CAP2: variants seen among roughly 807,000 people sequenced by gnomAD.
The protein encoded by CAP2 is adenylyl cyclase-associated protein 2.
CAP2 carries 24 observed loss-of-function variants against 57.7 expected under a neutral mutation model. The ratio of observed to expected loss-of-function variants is 0.42; its 90% CI spans 0.30 to 0.58. The LOEUF (loss-of-function observed/expected upper bound fraction) is 0.58. Ranked by LOEUF, CAP2 falls within the 20% of genes least tolerant of loss-of-function variation. The pLI is 0.22. For synonymous variants in CAP2, 194 were observed against 207.2 expected (o/e 0.94, Z 0.55); for missense variants, 501 against 590.3 (o/e 0.85, Z 1.57).
intron 3 of CAP2, among the ~76,000 whole-genome samples, chr6:17,442,841 C>T (rs1760128803): frequency 6.6e-6 from 1 of 152,084 alleles, no homozygotes; most frequent in East Asian, 1.9e-4. Flanking sequence ...CCTCAGCCTC[C>T]CGAGTAGCTG....
intron 7 of CAP2, among the ~76,000 whole-genome samples, chr6:17,519,326 CGT>C (rs1268803584): frequency 6.9e-6 from 1 of 144,346 alleles, no homozygotes. Flanking sequence ...AGAGAGTCTA[CGT>C]GTGTGTGCAA....
At chr6:17,395,791 G>A (rs13203151) in intron 1 of CAP2, among the ~76,000 whole-genome samples, 37,952 of 151,920 alleles carry the variant, frequency 0.25, 4,941 homozygotes, top group South Asian at 0.35. Context: ...TGAACATTAT[G>A]TTCAACTGAA....
intron 2 of CAP2, among the ~76,000 whole-genome samples, chr6:17,425,261 G>T (rs1457378385): frequency 1.3e-5 from 2 of 152,168 alleles, no homozygotes; most frequent in Admixed American, 1.3e-4. Flanking sequence ...CAGGGACTTA[G>T]ATTTTTTTTC....
rs1759594226 is a variant in CAP2 at position 17,426,492 on chromosome 6, C to A, written c.122-98C>A. Reference sequence around the variant, plus strand: ...TCAGGTGATCTGCCTGCCTCGGACTCCCAAAGTGCTAGGATTACAGGTGTG... The same window carrying A: ...TCAGGTGATCTGCCTGCCTCGGACTACCAAAGTGCTAGGATTACAGGTGTG... On this transcript the variant is annotated intron_variant, in intron 2 of 12. Transcript: ENST00000229922. The A allele has an allele frequency of 4.7e-6, 4 of 842,304 alleles. No individual in the cohort carries two copies. In the South Asian group the frequency reaches 5.4e-5, roughly 11 times the overall value. 52.2% of individuals were successfully genotyped at this position (842,304 alleles called of 1,614,324 possible).
Position 17,507,140 on chromosome 6 carries a change from A to G in CAP2, c.301-29A>G, listed in dbSNP as rs781266765. ...GCTATGCGTCTGCTCTGTCTGTAGT[A>G]AAAGCCCCCGATGTTTGACTGCTTA... On this transcript the variant is annotated intron_variant, in intron 4 of 12. Transcript: ENST00000229922. 4 of 1,613,878 alleles carry G rather than the reference A, an allele frequency of 2.5e-6. No homozygotes were observed. In the South Asian group the frequency reaches 4.4e-5, roughly 18 times the overall value.
intron 3 of CAP2, among the ~76,000 whole-genome samples, chr6:17,449,633 T>C (rs1561787665): frequency 6.6e-6 from 1 of 152,032 alleles, no homozygotes; most frequent in Non-Finnish European, 1.5e-5. Flanking sequence ...GGTCTGAAAC[T>C]CCTGACCTCA....
intron 6 of CAP2, among the ~76,000 whole-genome samples, chr6:17,511,255 C>T (rs911118193): frequency 6.6e-6 from 1 of 152,030 alleles, no homozygotes; most frequent in Non-Finnish European, 1.5e-5. Context: ...CACCCATTTA[C>T]CGGTGGACTC....
At chr6:17,458,592 A>G (rs1268418764) in intron 3 of CAP2, among the ~76,000 whole-genome samples, 2 of 152,226 alleles carry the variant, frequency 1.3e-5, no homozygotes, top group African/African-American at 2.4e-5. Context: ...GTCATTTTCC[A>G]GTTAACACAT....
intron 7 of CAP2, among the ~76,000 whole-genome samples, chr6:17,516,290 C>T (rs1452198899): frequency 1.3e-5 from 2 of 152,194 alleles, no homozygotes; most frequent in African/African-American, 4.8e-5. Context: ...TGTCTCCAGC[C>T]CCTAGTATAG....
Position 17,557,466 on chromosome 6 carries a change from TATG to T in CAP2, c.*1027_*1029del. 1 of 152,328 alleles carries T rather than the reference TATG, an allele frequency of 6.6e-6. No individual in the cohort carries two copies. Among genetic ancestry groups the T allele is most frequent in the East Asian group, 1.9e-4 (1 of 5,188 alleles). The allele number at this position is 152,328 out of a possible 1,614,324, so 9.4% of individuals were successfully genotyped here. A position where few individuals can be genotyped will look rare whatever the true frequency, so the allele number is the denominator to read the frequency against. ...GATGCTTCTTCAGCGTAAGAGTAGC[TATG>T]ATATTCCTTTTTATCTTTTCAGTAC... On this transcript the variant is annotated 3_prime_UTR_variant, in exon 13 of 13. Transcript: ENST00000229922.
intron 4 of CAP2, among the ~76,000 whole-genome samples, chr6:17,472,673 G>A (rs944195621): frequency 6.6e-6 from 1 of 152,132 alleles, no homozygotes; most frequent in African/African-American, 2.4e-5. Context: ...GCTACTGCCC[G>A]TGCTGGATGT....
intron 3 of CAP2, among the ~76,000 whole-genome samples, chr6:17,459,180 G>A (rs886825547): frequency 2.0e-5 from 3 of 152,180 alleles, no homozygotes; most frequent in Non-Finnish European, 2.9e-5. Flanking sequence ...CACTCCATCC[G>A]AATGGCATGT....
chr6:17,432,719 C>CCTTGCTTGCTTG (rs35029222), intron 3 of CAP2, among the ~76,000 whole-genome samples: 1 of 151,154 alleles, frequency 6.6e-6, no homozygotes, highest in Non-Finnish European at 1.5e-5. Flanking sequence ...CCCTCCACCC[C>CCTTGCTTGCTTG]CTTGCTTGCT....
At chr6:17,430,521 T>C (rs1487570637) in intron 3 of CAP2, among the ~76,000 whole-genome samples, 1 of 151,348 alleles carries the variant, frequency 6.6e-6, no homozygotes, top group African/African-American at 2.4e-5. Context: ...TATCCATAAA[T>C]AGATTTATGT....
chr6:17,433,237 G>C (rs1001099385), intron 3 of CAP2, among the ~76,000 whole-genome samples: 1 of 152,126 alleles, frequency 6.6e-6, no homozygotes, highest in Admixed American at 6.5e-5. Context: ...CAAACAGAAG[G>C]AACCATGTCA....
chr6:17,468,262 C>T (rs1760925651), intron 4 of CAP2, among the ~76,000 whole-genome samples: 1 of 152,260 alleles, frequency 6.6e-6, no homozygotes, highest in African/African-American at 2.4e-5. Context: ...CAATGGTGAC[C>T]CCCAATTTCA....
chr6:17,473,050 T>C (rs1761062102), intron 4 of CAP2, among the ~76,000 whole-genome samples: 1 of 151,320 alleles, frequency 6.6e-6, no homozygotes. Flanking sequence ...TTTTTTTTTT[T>C]AATCTGATAA....
chr6:17,397,476 C>T (rs550907755), intron 1 of CAP2, among the ~76,000 whole-genome samples: 5 of 151,984 alleles, frequency 3.3e-5, no homozygotes, highest in South Asian at 2.1e-4. Context: ...GGGCGCATCA[C>T]GAGGTCAGGA....
chr6:17,527,003 C>T (rs535227847), intron 7 of CAP2, among the ~76,000 whole-genome samples: 14 of 150,786 alleles, frequency 9.3e-5, no homozygotes, highest in Non-Finnish European at 1.8e-4. Context: ...GCCCTGGCCA[C>T]GGTTTATTGG....
Sources: gnomAD v4.1 joint callset for allele counts (sites outside exome capture counted in the v4.1 genomes callset) on GRCh38, gnomAD v4.1.1 for gene constraint, MANE v1.5 for transcripts, NCBI Gene and HGNC (gene_info 2026-07-23, HGNC 2026-07-21) for gene names.